SAMD5: variants seen among roughly 807,000 people sequenced by gnomAD.
The protein encoded by SAMD5 is sterile alpha motif domain-containing protein 5.
In SAMD5, 13 loss-of-function variants were observed where a neutral mutation model predicts 11.3. That is an observed-to-expected ratio of 1.15 (90% CI 0.75 to 1.83). The LOEUF is 1.83. Ranked by LOEUF, SAMD5 falls within the 40% of genes most tolerant of loss-of-function variation. SAMD5 has a pLI of 0.00. For missense variants in SAMD5, 255 were observed against 239.1 expected, an observed-to-expected ratio of 1.07 and a Z score of -0.44; for synonymous variants, 129 against 111.3, an observed-to-expected ratio of 1.16 and a Z score of -1.00.
the SAMD5 span, among the ~76,000 whole-genome samples, chr6:147,851,144 A>T: frequency 6.6e-6 from 1 of 151,790 alleles, no homozygotes; most frequent in Non-Finnish European, 1.5e-5. Context: ...GGGTTTCGCC[A>T]TGTTGGCCAG....
At position 147,542,885 on chromosome 6, in the gene SAMD5, ATAAAC is replaced by A. The variant is rs1176539709; in HGVS notation, c.460-21505_460-21501del. Among the ~76,000 whole-genome samples, 4 of 152,358 alleles carry A rather than the reference ATAAAC, an allele frequency of 2.6e-5. No individual in the cohort carries two copies. In the East Asian group the frequency reaches 7.7e-4, roughly 29 times the overall value. The stretch of plus-strand genomic sequence containing the variant: ...ACTGTCTTTGTTTAAACTATAAACT[ATAAAC>A]TAAGTTTCTCCAAAAGTTAGTTCAG... On this transcript the variant is annotated intron_variant, in intron 1 of 1. Transcript: ENST00000367474.
chr6:147,827,607 A>G, the SAMD5 span, among the ~76,000 whole-genome samples: 14,966 of 152,136 alleles, frequency 0.098, 1,268 homozygotes, highest in African/African-American at 0.23. Context: ...GCATCTGTCT[A>G]TGCAGTGTCG....
intron 1 of SAMD5, among the ~76,000 whole-genome samples, chr6:147,725,287 C>T (rs977410289): frequency 9.9e-5 from 15 of 151,642 alleles, no homozygotes; most frequent in African/African-American, 3.2e-4. Flanking sequence ...TCCCAACACA[C>T]AAAGTAGACA....
intron 1 of SAMD5, among the ~76,000 whole-genome samples, chr6:147,618,621 C>T (rs543333633): frequency 6.6e-5 from 10 of 152,300 alleles, no homozygotes; most frequent in East Asian, 5.8e-4. Flanking sequence ...TGTGAGGAGA[C>T]GGAGAGTACC....
intron 1 of SAMD5, among the ~76,000 whole-genome samples, chr6:147,511,002 G>A (rs1053924192): frequency 6.6e-6 from 1 of 152,210 alleles, no homozygotes; most frequent in Non-Finnish European, 1.5e-5. Context: ...CCAGTTAGAT[G>A]TTTGTTATTA....
the SAMD5 span, among the ~76,000 whole-genome samples, chr6:147,783,444 C>T: frequency 6.6e-6 from 1 of 151,758 alleles, no homozygotes; most frequent in Non-Finnish European, 1.5e-5. Flanking sequence ...CCCAGGCTAG[C>T]GTGCAGTGGC....
intron 1 of SAMD5, among the ~76,000 whole-genome samples, chr6:147,730,424 C>A (rs13437360): frequency 0.029 from 4,414 of 152,160 alleles, 86 homozygotes; most frequent in African/African-American, 0.052. Context: ...TACTTGGATT[C>A]TGGATATTTT....
intron 1 of SAMD5, among the ~76,000 whole-genome samples, chr6:147,519,524 A>G (rs932755713): frequency 2.0e-5 from 3 of 152,258 alleles, no homozygotes; most frequent in Admixed American, 2.0e-4. Flanking sequence ...TTCAACACAA[A>G]TAAAAACTTC....
At chr6:147,582,464 T>C (rs1419635805) in intron 1 of SAMD5, among the ~76,000 whole-genome samples, 1 of 152,218 alleles carries the variant, frequency 6.6e-6, no homozygotes, top group Non-Finnish European at 1.5e-5. Flanking sequence ...AGTCTATATA[T>C]TCCTCAAGTG....
chr6:147,704,089 G>A (rs138115163), intron 1 of SAMD5, among the ~76,000 whole-genome samples: 3,158 of 152,074 alleles, frequency 0.021, 55 homozygotes, highest in South Asian at 0.059. Flanking sequence ...TAGAGATGGG[G>A]TTTCACTGTG....
At chr6:147,620,962 C>CTGTGTG (rs78040354) in intron 1 of SAMD5, among the ~76,000 whole-genome samples, 2,442 of 128,478 alleles carry the variant, frequency 0.019, 85 homozygotes, top group African/African-American at 0.062. Flanking sequence ...GTATGTGCCT[C>CTGTGTG]TGTGTGTGTG....
intron 1 of SAMD5, among the ~76,000 whole-genome samples, chr6:147,615,019 T>C (rs1346215571): frequency 6.6e-6 from 1 of 151,992 alleles, no homozygotes; most frequent in African/African-American, 2.4e-5. Flanking sequence ...ATATGACAAC[T>C]ATTTACATAC....
the SAMD5 span, among the ~76,000 whole-genome samples, chr6:147,790,732 A>ATCTCTCTCTC: frequency 3.5e-5 from 3 of 85,130 alleles, no homozygotes; most frequent in African/African-American, 1.7e-4. Flanking sequence ...GAATTGGTCG[A>ATCTCTCTCTC]TCTCTCTCTC....
At chr6:147,768,453 G>A in the SAMD5 span, among the ~76,000 whole-genome samples, 2 of 151,996 alleles carry the variant, frequency 1.3e-5, no homozygotes, top group African/African-American at 2.4e-5. Flanking sequence ...AGTAGAGATC[G>A]CACCACTGCA....
chr6:147,874,131 C>T, the SAMD5 span, among the ~76,000 whole-genome samples: 1 of 152,126 alleles, frequency 6.6e-6, no homozygotes, highest in Non-Finnish European at 1.5e-5. Flanking sequence ...CAATGCTAAG[C>T]AAGAATAGAA....
the SAMD5 span, among the ~76,000 whole-genome samples, chr6:147,926,792 TTTTTATAGTTTGGA>T: frequency 6.6e-6 from 1 of 152,148 alleles, no homozygotes; most frequent in African/African-American, 2.4e-5. Flanking sequence ...GTCTTCCAGG[TTTTTATAGTTTGGA>T]TTTTACATTT....
At chr6:147,784,498 C>T in the SAMD5 span, among the ~76,000 whole-genome samples, 1 of 152,154 alleles carries the variant, frequency 6.6e-6, no homozygotes, top group Non-Finnish European at 1.5e-5. Flanking sequence ...TCCATGACAT[C>T]TCAATATATG....
chr6:147,638,614 T>G (rs1790266683), intron 1 of SAMD5, among the ~76,000 whole-genome samples: 1 of 152,184 alleles, frequency 6.6e-6, no homozygotes, highest in Non-Finnish European at 1.5e-5. Context: ...TTTTGAGATG[T>G]GTGGGCTCGG....
At chr6:147,839,344 T>C in the SAMD5 span, among the ~76,000 whole-genome samples, 246 of 152,358 alleles carry the variant, frequency 1.6e-3, no homozygotes, top group African/African-American at 5.5e-3. Context: ...TTAAGAGCTA[T>C]CAGCTATCCA....
Sources: gnomAD v4.1 joint callset for allele counts (sites outside exome capture counted in the v4.1 genomes callset) on GRCh38, gnomAD v4.1.1 for gene constraint, MANE v1.5 for transcripts, NCBI Gene and HGNC (gene_info 2026-07-23, HGNC 2026-07-21) for gene names.